FREM3: variants seen among roughly 807,000 people sequenced by gnomAD.
The protein encoded by FREM3 is FRAS1-related extracellular matrix protein 3.
A neutral mutation model predicts 129.1 loss-of-function variants in FREM3; 105 were observed. That is an observed-to-expected ratio of 0.81 (90% confidence interval 0.69 to 0.96). The LOEUF is 0.96. FREM3 is among the 40% of genes least tolerant of loss of function. The pLI, the probability that FREM3 is intolerant of heterozygous loss-of-function variation, is 0.00. For synonymous variants in FREM3, 1,014 were observed against 1,044.9 expected (o/e 0.97, Z 0.57); for missense variants, 2,593 against 2,666.3 (o/e 0.97, Z 0.61).
At chr4:143,601,015 C>T (rs1337671001) in intron 6 of FREM3, among the ~76,000 whole-genome samples, 17 of 128,478 alleles carry the variant, frequency 1.3e-4, no homozygotes, top group East Asian at 4.7e-4. Context: ...TATTTCCTTT[C>T]GTTAACTTTA....
At chr4:143,606,075 C>CTT (rs1738663300) in intron 6 of FREM3, among the ~76,000 whole-genome samples, 2 of 152,206 alleles carry the variant, frequency 1.3e-5, no homozygotes, top group East Asian at 3.9e-4. Context: ...CTGTTTGCAT[C>CTT]TCTTTCTTCA....
intron 5 of FREM3, among the ~76,000 whole-genome samples, chr4:143,612,214 A>G (rs1023284915): frequency 3.9e-5 from 6 of 152,178 alleles, no homozygotes; most frequent in Non-Finnish European, 7.3e-5. Flanking sequence ...CATCCACAAA[A>G]GTTGACCTGT....
At chr4:143,664,684 C>T (rs1228482960) in intron 2 of FREM3, among the ~76,000 whole-genome samples, 1 of 151,548 alleles carries the variant, frequency 6.6e-6, no homozygotes, top group Non-Finnish European at 1.5e-5. Context: ...GTGCCCTGCC[C>T]CCAGAGGTGG....
At chr4:143,663,750 A>G (rs1004611584) in intron 2 of FREM3, among the ~76,000 whole-genome samples, 1 of 152,066 alleles carries the variant, frequency 6.6e-6, no homozygotes, top group South Asian at 2.1e-4. Flanking sequence ...GTCTTTTCAC[A>G]TAGTCCCATA....
intron 5 of FREM3, 121 bp from the exon 6 acceptor site, chr4:143,611,648 C>T: frequency 2.4e-6 from 2 of 833,520 alleles, no homozygotes; most frequent in Non-Finnish European, 3.7e-6. Flanking sequence ...AACACACTTA[C>T]CTCTTATGCT....
chr4:143,698,233 G>A lies in FREM3; in HGVS notation c.2443C>T (p.Pro815Ser), dbSNP rs1740618654. Residue 815 changes from proline to serine, a missense_variant, in exon 1 of 8, where the codon CCA (proline) becomes TCA (serine). Physicochemically the swap from Pro to Ser is moderately conservative, Grantham distance 74 (BLOSUM62 -1). Coordinates refer to ENST00000329798, the MANE Select transcript of FREM3 (RefSeq NM_001168235.2). Reference sequence around the variant, plus strand: ...TGCAGGAATAATGTGAATGTGCCTGGCACGCTATTGCCTGCAGCATCTTCC... The same window carrying A: ...TGCAGGAATAATGTGAATGTGCCTGACACGCTATTGCCTGCAGCATCTTCC... The part of the protein sequence containing the change: ...QVEDAAGNSV[P>S]GTFTLFLQPV... 1 of 1,537,386 alleles carries A rather than the reference G, an allele frequency of 6.5e-7. No homozygotes were observed. The highest frequency in any genetic ancestry group is 1.2e-5 in the South Asian group (1 of 84,060).
intron 5 of FREM3, among the ~76,000 whole-genome samples, chr4:143,620,631 C>T (rs905438528): frequency 6.6e-6 from 1 of 152,158 alleles, no homozygotes; most frequent in Admixed American, 6.5e-5. Flanking sequence ...GTAGTATATA[C>T]AGACTATTTT....
At chr4:143,661,323 C>T (rs1221566418) in intron 2 of FREM3, among the ~76,000 whole-genome samples, 1 of 152,100 alleles carries the variant, frequency 6.6e-6, no homozygotes, top group Non-Finnish European at 1.5e-5. Context: ...TGTCAAAGGC[C>T]TTTTCTGCAT....
rs139053530 is a variant in FREM3 at position 143,700,232 on chromosome 4, C to A, written c.444G>T (p.Pro148=). 20 of 1,536,746 alleles carry A rather than the reference C, an allele frequency of 1.3e-5. No homozygotes were observed. Among genetic ancestry groups the A allele is most frequent in the Non-Finnish European group, 1.6e-5 (18 of 1,146,898 alleles). Residue 148 remains proline, a synonymous_variant, in exon 1 of 8, where the codon CCG becomes CCT. Transcript: ENST00000329798. ...TGAAGGGCAGCACCAGAGTGTGAGT[C>A]GGGGCGTCGTAGCGCAGCTGCAGCA... ...RVLLQLRYDA[P]THTLVLPFTL...
chr4:143,611,608 AT>A, intron 5 of FREM3, 81 bp from the exon 6 acceptor site: 3 of 1,250,094 alleles, frequency 2.4e-6, no homozygotes, highest in Non-Finnish European at 3.3e-6. Context: ...TCTTTAATGT[AT>A]TTTTAGATAA....
At chr4:143,607,199 A>G (rs1464237247) in intron 6 of FREM3, among the ~76,000 whole-genome samples, 1 of 152,164 alleles carries the variant, frequency 6.6e-6, no homozygotes. Flanking sequence ...CATTGAATAA[A>G]AGAATTGGCC....
At chr4:143,694,012 A>T (rs1219369512) in intron 1 of FREM3, among the ~76,000 whole-genome samples, 1 of 152,014 alleles carries the variant, frequency 6.6e-6, no homozygotes, top group Non-Finnish European at 1.5e-5. Flanking sequence ...GGAGGGTAGG[A>T]GGAAGGAGCA....
At chr4:143,579,848 T>C (rs1446843580) in intron 7 of FREM3, among the ~76,000 whole-genome samples, 2 of 152,218 alleles carry the variant, frequency 1.3e-5, no homozygotes, top group East Asian at 3.8e-4. Flanking sequence ...GTATAAACCT[T>C]ACTTCTACAA....
chr4:143,675,829 A>G (rs916074689), intron 2 of FREM3, among the ~76,000 whole-genome samples: 1 of 152,244 alleles, frequency 6.6e-6, no homozygotes, highest in Non-Finnish European at 1.5e-5. Context: ...CACCCTCCAA[A>G]GACTAAACCA....
rs199842882 is a variant in FREM3, at chr4:143,699,106, C to G, written c.1570G>C (p.Gly524Arg). The G allele has an allele frequency of 2.0e-6, 3 of 1,537,268 alleles. No individual in the cohort carries two copies. Among genetic ancestry groups the G allele is most frequent in the South Asian group, 2.4e-5 (2 of 84,028 alleles). Residue 524 changes from glycine (G) to arginine (R), a missense_variant, in exon 1 of 8, where the codon GGG (glycine) becomes CGG (arginine). Transcript: ENST00000329798. The surrounding 1 kb of genome is among the most constrained non-coding windows in gnomAD (Gnocchi z 4.2). ...AAGAGGAAGTCCACTTGGTGGTGCC[C>G]GTCCTCCATCCGGAAGATGATATTG... is the stretch of plus-strand genomic sequence containing the variant. ...SDNIIFRMEDGHHQVDFLFPL... is the reference protein window; with the variant it reads ...SDNIIFRMEDRHHQVDFLFPL...
chr4:143,625,964 C>T (rs988988063), intron 3 of FREM3, among the ~76,000 whole-genome samples: 2 of 152,158 alleles, frequency 1.3e-5, no homozygotes, highest in Non-Finnish European at 2.9e-5. Flanking sequence ...CATAAGGAAA[C>T]TGAACTCTTT....
At position 143,696,503 on chromosome 4, in the gene FREM3, G is replaced by A. The variant is rs1166878649; in HGVS notation, c.4173C>T (p.Gly1391=). The A allele has an allele frequency of 1.3e-6, 2 of 1,537,522 alleles. No individual in the cohort carries two copies. The highest frequency in any genetic ancestry group is 3.9e-5 in the Admixed American group (2 of 50,992). Reference sequence around the variant, plus strand: ...TGATAATGTCAACAATCCCTTCTTGGCCTGTGTGGATATAGCAGATGAGGC... The same window carrying A: ...TGATAATGTCAACAATCCCTTCTTGACCTGTGTGGATATAGCAGATGAGGC... The part of the protein sequence containing the change: ...NRGLICYIHT[G]QEGIVDIIKF... Residue 1391 remains glycine (G), a synonymous_variant, in exon 1 of 8, where the codon GGC becomes GGT. Transcript: ENST00000329798.
intron 6 of FREM3, among the ~76,000 whole-genome samples, chr4:143,594,057 G>T (rs180810380): frequency 6.6e-6 from 1 of 152,164 alleles, no homozygotes; most frequent in African/African-American, 2.4e-5. Flanking sequence ...CTGGTGTGCC[G>T]TTTGAGAAGC....
intron 2 of FREM3, among the ~76,000 whole-genome samples, chr4:143,681,511 A>G (rs1242096372): frequency 6.6e-6 from 1 of 152,186 alleles, no homozygotes; most frequent in African/African-American, 2.4e-5. Context: ...CTATTCTGCC[A>G]GTGGCTTTCA....
Sources: gnomAD v4.1 joint callset for allele counts (sites outside exome capture counted in the v4.1 genomes callset) on GRCh38, gnomAD v4.1.1 for gene constraint, Gnocchi (gnomAD v3.1) non-coding constraint, MANE v1.5 for transcripts, NCBI Gene and HGNC (gene_info 2026-07-23, HGNC 2026-07-21) for gene names.